Variants in EBF2 observed in about 807,000 individuals in gnomAD.
EBF2 encodes the protein EBF transcription factor 2.
Under a neutral mutation model 72.8 loss-of-function variants are expected in EBF2, and 21 were observed. That is an observed-to-expected ratio of 0.29 (90% CI 0.20 to 0.42). The LOEUF is 0.42. EBF2 is among the 10% of genes least tolerant of loss of function. The probability of loss-of-function intolerance (pLI) is 1.00; values close to 1 mark genes in which losing one functional copy is unlikely to be tolerated. For missense variants in EBF2, 637 were observed against 731.2 expected (o/e 0.87, Z 1.49); for synonymous variants, 299 against 274.2 (o/e 1.09, Z -0.89).
At chr8:25,850,491 C>A in intron 15 of EBF2, 103 bp downstream of exon 15, 1 of 1,329,472 alleles carries the variant, frequency 7.5e-7, no homozygotes, top group South Asian at 1.8e-5. Flanking sequence ...CAAAGCATCT[C>A]TTTGCAGGTA....
At chr8:25,857,188 G>A (rs1255635193) in intron 14 of EBF2, among the ~76,000 whole-genome samples, 1 of 152,114 alleles carries the variant, frequency 6.6e-6, no homozygotes. Flanking sequence ...GCAGTAAGAA[G>A]ATTTTCATTG....
intron 6 of EBF2, 104 bp downstream of exon 6, chr8:26,032,981 C>T (rs149736539): frequency 0.012 from 13,605 of 1,144,394 alleles, 115 homozygotes; most frequent in Non-Finnish European, 0.014. Context: ...CTTGAAATAA[C>T]ATGAAACCAA....
chr8:25,940,171 A>C (rs566138803), intron 6 of EBF2, among the ~76,000 whole-genome samples: 93 of 152,362 alleles, frequency 6.1e-4, no homozygotes, highest in African/African-American at 2.1e-3. Flanking sequence ...AAAAAGAGAT[A>C]CGGGCAGCCC....
At chr8:25,895,058 A>G (rs568210370) in intron 7 of EBF2, among the ~76,000 whole-genome samples, 1 of 152,234 alleles carries the variant, frequency 6.6e-6, no homozygotes, top group Non-Finnish European at 1.5e-5. Flanking sequence ...TTAGGAATAC[A>G]GATGTCCATA....
intron 6 of EBF2, among the ~76,000 whole-genome samples, chr8:25,923,982 T>C (rs1304973534): frequency 6.6e-6 from 1 of 152,220 alleles, no homozygotes; most frequent in Non-Finnish European, 1.5e-5. Flanking sequence ...TCATCTACTT[T>C]TCATGTGATC....
chr8:25,956,004 T>G (rs940211525), intron 6 of EBF2, among the ~76,000 whole-genome samples: 5 of 152,030 alleles, frequency 3.3e-5, no homozygotes, highest in Admixed American at 6.6e-5. Flanking sequence ...CCATCTTTAT[T>G]TTTTAAAAAA....
At chr8:25,922,853 CA>C (rs1394083788) in intron 6 of EBF2, among the ~76,000 whole-genome samples, 7 of 151,930 alleles carry the variant, frequency 4.6e-5, no homozygotes, top group Non-Finnish European at 1.0e-4. Context: ...CTGCAAAAGC[CA>C]GAGACCATTT....
intron 10 of EBF2, among the ~76,000 whole-genome samples, chr8:25,863,062 A>G (rs1162609543): frequency 1.4e-5 from 2 of 138,446 alleles, no homozygotes; most frequent in African/African-American, 2.7e-5. Context: ...GCTATCAAAT[A>G]AAAAATTAAG....
Position 25,888,068 on chromosome 8 carries a change from G to GC in EBF2, c.752-97dup, listed in dbSNP as rs144085938. 2.7e-3 allele frequency: 3,775 copies of GC among 1,403,470 alleles called. 92 individuals are homozygous for GC. The African/African-American group carries it at 0.049, about 18-fold the overall frequency. 86.9% of individuals were successfully genotyped at this position (1,403,470 alleles called of 1,614,324 possible). On this transcript the variant is annotated intron_variant, in intron 8 of 15. Coordinates refer to ENST00000520164, the MANE Select transcript of EBF2 (RefSeq NM_022659.4). ...CACATTGGAAGAAGAATTGTCTTGG[G>GC]CCACGTATAAAATACACTAATGCTA...
chr8:25,887,973 C>A lies in EBF2; in HGVS notation c.752-1G>T. 1 of 1,603,562 alleles carries A rather than the reference C, an allele frequency of 6.2e-7. No individual in the cohort carries two copies. The highest frequency in any genetic ancestry group is 8.5e-7 in the Non-Finnish European group (1 of 1,175,948). Reference sequence around the variant, plus strand: ...CTAATGGCTTTGATGCAGGGGGTAGCTAAGAAGACAGGAAAGAAAAAGTCA... The same window carrying A: ...CTAATGGCTTTGATGCAGGGGGTAGATAAGAAGACAGGAAAGAAAAAGTCA... On this transcript the variant is annotated splice_acceptor_variant, in intron 8 of 15. Transcript: ENST00000520164. LOFTEE classifies it high-confidence loss of function.
intron 7 of EBF2, among the ~76,000 whole-genome samples, chr8:25,904,815 T>C (rs887375356): frequency 2.6e-5 from 4 of 152,202 alleles, no homozygotes; most frequent in East Asian, 3.8e-4. Flanking sequence ...AGAGCTTTCA[T>C]TGAAGGTTAT....
intron 10 of EBF2, among the ~76,000 whole-genome samples, chr8:25,876,658 A>G (rs1429737907): frequency 6.6e-6 from 1 of 152,104 alleles, no homozygotes; most frequent in African/African-American, 2.4e-5. Context: ...GACCAAACAG[A>G]TGGCCTTGGT....
intron 6 of EBF2, among the ~76,000 whole-genome samples, chr8:25,942,793 C>G (rs923786299): frequency 1.3e-5 from 2 of 152,152 alleles, no homozygotes; most frequent in African/African-American, 4.8e-5. Context: ...TCGCCTACCT[C>G]CCCAGCTAGG....
rs1261528714 is a variant in EBF2 at position 25,860,403 on chromosome 8, CAG to C, written c.1342+644_1342+645del. Among the ~76,000 whole-genome samples, 3 of 151,922 alleles carry C rather than the reference CAG, an allele frequency of 2.0e-5. No individual in the cohort carries two copies. The East Asian group carries it at 5.8e-4, about 29-fold the overall frequency. On this transcript the variant is annotated intron_variant, in intron 13 of 15. Transcript: ENST00000520164. ...GTATTCAATCTGATAATCACAATAACAGAAGCATAAATTTCTTTTAAATTAAT... is the reference window on the plus strand; with the variant it reads ...GTATTCAATCTGATAATCACAATAACAAGCATAAATTTCTTTTAAATTAAT...
intron 6 of EBF2, among the ~76,000 whole-genome samples, chr8:25,943,315 A>AT (rs1353362275): frequency 6.5e-5 from 8 of 123,886 alleles, no homozygotes; most frequent in East Asian, 4.9e-4. Context: ...TCTACACAAA[A>AT]AAAAAAAAAA....
intron 6 of EBF2, among the ~76,000 whole-genome samples, chr8:26,003,776 G>A (rs13280210): frequency 6.6e-6 from 1 of 152,128 alleles, no homozygotes; most frequent in Non-Finnish European, 1.5e-5. Flanking sequence ...AGGGGCAATC[G>A]TTACTGACCC....
chr8:25,931,901 A>AT (rs150860038), intron 6 of EBF2, among the ~76,000 whole-genome samples: 5 of 152,236 alleles, frequency 3.3e-5, no homozygotes, highest in East Asian at 1.9e-4. Flanking sequence ...TATTAAATAT[A>AT]TTTTTTTCAT....
intron 6 of EBF2, among the ~76,000 whole-genome samples, chr8:25,913,711 C>G (rs889069135): frequency 5.9e-5 from 9 of 152,154 alleles, no homozygotes; most frequent in African/African-American, 2.2e-4. Context: ...ATCTGGTTCT[C>G]TTTCTCTGCC....
intron 6 of EBF2, among the ~76,000 whole-genome samples, chr8:26,025,668 G>A (rs1190900619): frequency 6.6e-6 from 1 of 152,040 alleles, no homozygotes; most frequent in African/African-American, 2.4e-5. Context: ...CTCCAATGAA[G>A]AGCTTCAATC....
Sources: gnomAD v4.1 joint callset for allele counts (sites outside exome capture counted in the v4.1 genomes callset) on GRCh38, gnomAD v4.1.1 for gene constraint, MANE v1.5 for transcripts, NCBI Gene and HGNC (gene_info 2026-07-23, HGNC 2026-07-21) for gene names.